Variants in PPIL3 observed in about 807,000 individuals in gnomAD.
The protein encoded by PPIL3 is peptidylprolyl isomerase like 3.
PPIL3 carries 13 observed loss-of-function variants against 20.9 expected under a neutral mutation model. The ratio of observed to expected loss-of-function variants is 0.62; its 90% CI spans 0.40 to 0.99. The LOEUF (loss-of-function observed/expected upper bound fraction) is 0.99, where lower values mean the gene tolerates loss of function less well. Among genes scored for constraint, PPIL3 ranks in the 50% least tolerant of loss-of-function variants. The pLI, the probability that PPIL3 is intolerant of heterozygous loss-of-function variation, is 0.00. For missense variants in PPIL3, 170 were observed against 195.2 expected, an observed-to-expected ratio of 0.87 and a Z score of 0.77; for synonymous variants, 71 against 64.4, an observed-to-expected ratio of 1.10 and a Z score of -0.49.
intron 4 of PPIL3, 180 bp from the exon 5 acceptor site, chr2:200,881,668 A>G: frequency 1.9e-6 from 1 of 539,800 alleles, no homozygotes; most frequent in Non-Finnish European, 3.2e-6. Context: ...CAGACCTACA[A>G]AAAACAAAAA....
chr2:200,882,891 G>A (rs1418021669), intron 3 of PPIL3, among the ~76,000 whole-genome samples: 4 of 143,830 alleles, frequency 2.8e-5, no homozygotes, highest in East Asian at 2.0e-4. Flanking sequence ...CAGAGACTCC[G>A]TCTCAAAAAA....
At chr2:200,876,586 C>T (rs1012732369) in intron 6 of PPIL3, among the ~76,000 whole-genome samples, 4 of 150,802 alleles carry the variant, frequency 2.7e-5, no homozygotes, top group African/African-American at 9.8e-5. Context: ...GGCATGATCA[C>T]GGCTCACTGT....
chr2:200,884,713 C>A (rs188783117), intron 3 of PPIL3, among the ~76,000 whole-genome samples: 1 of 151,592 alleles, frequency 6.6e-6, no homozygotes, highest in Non-Finnish European at 1.5e-5. Flanking sequence ...GCACTCCAGT[C>A]TGAGCGACAG....
chr2:200,871,504 TC>T lies in PPIL3; in HGVS notation c.376del (p.Glu126LysfsTer3). 1 of 1,612,706 alleles carries T rather than the reference TC, an allele frequency of 6.2e-7. No individual in the cohort carries two copies. Among genetic ancestry groups the T allele is most frequent in the East Asian group, 2.2e-5 (1 of 44,840 alleles). On this transcript the variant is annotated frameshift_variant, in exon 7 of 7. Transcript: ENST00000392283. LOFTEE classifies it high-confidence loss of function. ...TVFGKVIDGL[E>X]TLDELEKLPV... is the part of the protein sequence containing the mutation. ...CAACTTCTCCAACTCATCTAGAGTT[TC>T]CAGACCATCTATTACCCTGAAAGAG...
intron 3 of PPIL3, chr2:200,885,394 TAAAA>T (rs200625911): frequency 6.1e-6 from 2 of 330,562 alleles, no homozygotes; most frequent in Non-Finnish European, 1.1e-5. Flanking sequence ...AATAAATAAA[TAAAA>T]AAAAAGAAAG....
intron 3 of PPIL3, chr2:200,885,235 G>C (rs1389547166): frequency 3.5e-6 from 1 of 282,412 alleles, no homozygotes; most frequent in Non-Finnish European, 6.4e-6. Flanking sequence ...GCCAGGCATG[G>C]TGGCGCACGC....
At chr2:200,884,492 C>A (rs988000842) in intron 3 of PPIL3, among the ~76,000 whole-genome samples, 14 of 152,090 alleles carry the variant, frequency 9.2e-5, no homozygotes, top group African/African-American at 3.4e-4. Flanking sequence ...AATTCCAATA[C>A]TTCAGGAAGC....
intron 5 of PPIL3, among the ~76,000 whole-genome samples, chr2:200,881,090 A>C (rs973596773): frequency 6.6e-6 from 1 of 152,154 alleles, no homozygotes; most frequent in African/African-American, 2.4e-5. Flanking sequence ...CCACTCTCAA[A>C]AAAGGCCACT....
At chr2:200,873,444 C>T (rs2039387332) in intron 6 of PPIL3, among the ~76,000 whole-genome samples, 1 of 152,018 alleles carries the variant, frequency 6.6e-6, no homozygotes, top group African/African-American at 2.4e-5. Context: ...CCCACGTCAG[C>T]CTCCCAAAGT....
At chr2:200,873,474 G>A (rs1163309304) in intron 6 of PPIL3, among the ~76,000 whole-genome samples, 3 of 152,044 alleles carry the variant, frequency 2.0e-5, no homozygotes, top group Admixed American at 2.0e-4. Context: ...ATAGGCATGA[G>A]CCACCACGTC....
chr2:200,875,107 T>C (rs1421294042), intron 6 of PPIL3, among the ~76,000 whole-genome samples: 2 of 152,208 alleles, frequency 1.3e-5, no homozygotes, highest in African/African-American at 4.8e-5. Context: ...CATAGTACTC[T>C]TAATAGATAC....
intron 5 of PPIL3, among the ~76,000 whole-genome samples, chr2:200,878,521 C>T (rs2105769005): frequency 1.3e-5 from 2 of 152,014 alleles, no homozygotes; most frequent in East Asian, 3.9e-4. Flanking sequence ...TCCTGAGTAG[C>T]TGAGACTACA....
At chr2:200,887,483 T>G (rs1197141456) in intron 2 of PPIL3, 130 bp downstream of exon 2, 9 of 494,978 alleles carry the variant, frequency 1.8e-5, no homozygotes, top group Non-Finnish European at 3.2e-5. Context: ...TATTCCATAT[T>G]AAGTGCTTCT....
At chr2:200,885,368 C>T (rs1575115954) in intron 3 of PPIL3, 2 of 347,966 alleles carry the variant, frequency 5.7e-6, no homozygotes, top group Non-Finnish European at 1.0e-5. Context: ...GAGACTCCAT[C>T]TCAAAAAAAA....
chr2:200,881,922 G>C (rs2039745066), intron 4 of PPIL3: 1 of 208,796 alleles, frequency 4.8e-6, no homozygotes, highest in African/African-American at 2.4e-5. Context: ...CATGTCCTTT[G>C]CAGGGACATG....
At chr2:200,881,539 C>T in intron 4 of PPIL3, 51 bp from the exon 5 acceptor site, 2 of 1,502,632 alleles carry the variant, frequency 1.3e-6, no homozygotes, top group East Asian at 2.3e-5. Context: ...AAATTGAAAA[C>T]AAGTTCATTT....
intron 5 of PPIL3, chr2:200,877,367 C>T (rs1254035111): frequency 4.9e-6 from 1 of 204,832 alleles, no homozygotes; most frequent in African/African-American, 2.3e-5. Context: ...CTTTTCTGTA[C>T]CTTTGAAAAC....
intron 4 of PPIL3, 33 bp downstream of exon 4, chr2:200,882,309 G>C (rs773416141): frequency 2.2e-6 from 3 of 1,340,462 alleles, no homozygotes; most frequent in Admixed American, 3.5e-5. Context: ...TATACATTCA[G>C]TTCCTTAGAT....
chr2:200,873,247 G>A (rs989148193), intron 6 of PPIL3, among the ~76,000 whole-genome samples: 1 of 149,212 alleles, frequency 6.7e-6, no homozygotes, highest in Admixed American at 6.7e-5. Flanking sequence ...AGGTTGGAGT[G>A]CAGTAGCACT....
Sources: allele counts gnomAD v4.1 joint callset (sites outside exome capture counted in the v4.1 genomes callset), GRCh38; gene constraint gnomAD v4.1.1; transcripts MANE v1.5; gene names NCBI Gene and HGNC (gene_info 2026-07-23, HGNC 2026-07-21).